ADD3: variants seen among roughly 807,000 people sequenced by gnomAD.
ADD3 encodes gamma-adducin.
In ADD3, 25 loss-of-function variants were observed where a neutral mutation model predicts 80.2. The ratio of observed to expected loss-of-function variants is 0.31; its 90% CI spans 0.23 to 0.44. The LOEUF (loss-of-function observed/expected upper bound fraction) is 0.44. Among genes scored for constraint, ADD3 ranks in the 20% least tolerant of loss-of-function variants. ADD3 has a pLI of 1.00. For synonymous variants in ADD3, 284 were observed against 289.6 expected, an observed-to-expected ratio of 0.98 and a Z score of 0.20; for missense variants, 829 against 847.5, an observed-to-expected ratio of 0.98 and a Z score of 0.27.
chr10:110,081,398 T>C (rs186266401), intron 1 of ADD3, among the ~76,000 whole-genome samples: 1 of 152,262 alleles, frequency 6.6e-6, no homozygotes, highest in Admixed American at 6.5e-5. Context: ...GTTCCTTGCG[T>C]TGTTGGAGCT....
At chr10:110,018,357 A>G (rs1332847581) in intron 1 of ADD3, among the ~76,000 whole-genome samples, 4 of 151,670 alleles carry the variant, frequency 2.6e-5, no homozygotes, top group Non-Finnish European at 5.9e-5. Flanking sequence ...ATGAAACCCC[A>G]TCTCTACTAA....
intron 1 of ADD3, among the ~76,000 whole-genome samples, chr10:110,040,964 GTCTCTCTCTCTCTC>G (rs66979569): frequency 6.7e-6 from 1 of 149,504 alleles, no homozygotes; most frequent in East Asian, 1.9e-4. Flanking sequence ...GTCTCTCTCT[GTCTCTCTCTCTCTC>G]TCTCTCTCCG....
chr10:110,042,636 TAATAA>T (rs758457736), intron 1 of ADD3, among the ~76,000 whole-genome samples: 15 of 151,674 alleles, frequency 9.9e-5, no homozygotes, highest in African/African-American at 3.6e-4. Context: ...ATTAGCACAC[TAATAA>T]AATATTAATA....
intron 1 of ADD3, among the ~76,000 whole-genome samples, chr10:110,040,698 A>T (rs1297490250): frequency 6.6e-6 from 1 of 152,154 alleles, no homozygotes; most frequent in African/African-American, 2.4e-5. Context: ...TTGAGAGTGG[A>T]CTGAGAGAAG....
chr10:110,100,117 G>C (rs1445298977), intron 1 of ADD3, among the ~76,000 whole-genome samples: 2 of 152,150 alleles, frequency 1.3e-5, no homozygotes, highest in Non-Finnish European at 1.5e-5. Flanking sequence ...GGGAGGCCGA[G>C]GTGGGCAGAC....
chr10:110,109,224 AT>A lies in ADD3; in HGVS notation c.196-3542del, dbSNP rs779042066. Among the ~76,000 whole-genome samples, 541 of 147,654 alleles carry A rather than the reference AT, an allele frequency of 3.7e-3. 2 individuals carry two copies. Among genetic ancestry groups the A allele is most frequent in the East Asian group, 6.7e-3 (34 of 5,110 alleles). ...TGTGATTCTCTTGAGTACCTGGTTG[AT>A]TTTTTTTTTTAATCTAAAAACCATT... is the stretch of plus-strand genomic sequence containing the variant. On this transcript the variant is annotated intron_variant, in intron 2 of 14. Coordinates refer to ENST00000356080, the MANE Select transcript of ADD3 (RefSeq NM_016824.5).
intron 1 of ADD3, among the ~76,000 whole-genome samples, chr10:110,015,954 C>T (rs984270759): frequency 1.3e-5 from 2 of 152,106 alleles, no homozygotes; most frequent in Non-Finnish European, 2.9e-5. Context: ...ATAGTAATAA[C>T]CTCTGAGAAG....
chr10:110,032,482 G>A (rs1396065797), intron 1 of ADD3, among the ~76,000 whole-genome samples: 2 of 152,230 alleles, frequency 1.3e-5, no homozygotes, highest in African/African-American at 4.8e-5. Context: ...CCAGACTGGG[G>A]AAGTGGGCAG....
At chr10:110,026,986 C>T (rs1854391741) in intron 1 of ADD3, among the ~76,000 whole-genome samples, 1 of 152,056 alleles carries the variant, frequency 6.6e-6, no homozygotes, top group Non-Finnish European at 1.5e-5. Flanking sequence ...GCTAACTATA[C>T]CTTTTCTAGT....
intron 1 of ADD3, among the ~76,000 whole-genome samples, chr10:110,066,601 TTAAC>T (rs1843990146): frequency 6.6e-6 from 1 of 152,174 alleles, no homozygotes; most frequent in African/African-American, 2.4e-5. Flanking sequence ...GGTCAATCTT[TTAAC>T]TAAGAATGAA....
chr10:110,124,253 C>T lies in ADD3; in HGVS notation c.1380C>T (p.Thr460=). ...CTGAGGAGTCTCGGAACGGAGAAAC[C>T]AGTCCCCGAACCAAAATCACGGTAT... ...NVPEESRNGE[T]SPRTKITWMK... Residue 460 remains threonine, a synonymous_variant, in exon 10 of 15, where the codon ACC becomes ACT. Transcript: ENST00000356080. 6.2e-7 allele frequency: 1 copy of T among 1,614,090 alleles called. No individual in the cohort carries two copies. The highest frequency in any genetic ancestry group is 1.3e-5 in the African/African-American group (1 of 75,046).
chr10:110,063,378 T>G (rs1242647739), intron 1 of ADD3, among the ~76,000 whole-genome samples: 1 of 152,190 alleles, frequency 6.6e-6, no homozygotes, highest in Non-Finnish European at 1.5e-5. Flanking sequence ...CTTGAATTTC[T>G]TTATTTATTA....
At chr10:110,015,255 T>C (rs1293276840) in intron 1 of ADD3, among the ~76,000 whole-genome samples, 1 of 151,810 alleles carries the variant, frequency 6.6e-6, no homozygotes, top group African/African-American at 2.4e-5. Context: ...ACTCAACATT[T>C]AATAATTGGG....
intron 1 of ADD3, among the ~76,000 whole-genome samples, chr10:110,022,088 A>G (rs1213930877): frequency 6.6e-6 from 1 of 152,206 alleles, no homozygotes; most frequent in African/African-American, 2.4e-5. Flanking sequence ...TTGTCCAGGT[A>G]GAAATCAGGA....
intron 1 of ADD3, among the ~76,000 whole-genome samples, chr10:110,092,713 A>T (rs1847687991): frequency 6.6e-6 from 1 of 152,156 alleles, no homozygotes; most frequent in Non-Finnish European, 1.5e-5. Flanking sequence ...GTACCCCCTG[A>T]ACCTAACATA....
intron 1 of ADD3, among the ~76,000 whole-genome samples, chr10:110,067,829 C>T (rs934438672): frequency 6.6e-6 from 1 of 152,140 alleles, no homozygotes; most frequent in Non-Finnish European, 1.5e-5. Context: ...AGGTATACAT[C>T]GCTTTTCTAA....
At chr10:110,030,230 G>A (rs1854837415) in intron 1 of ADD3, among the ~76,000 whole-genome samples, 1 of 150,890 alleles carries the variant, frequency 6.6e-6, no homozygotes, top group Non-Finnish European at 1.5e-5. Flanking sequence ...GGCTGAGGCA[G>A]GAGAATCACT....
At chr10:110,007,903 G>A (rs1851800324), upstream of ADD3, 1 of 150,192 alleles carries the variant, frequency 6.7e-6, no homozygotes, top group African/African-American at 2.5e-5. Flanking sequence ...GCGTGACCGG[G>A]GGGGGCGCTT....
intron 1 of ADD3, among the ~76,000 whole-genome samples, chr10:110,016,152 A>G (rs1390501486): frequency 6.6e-6 from 1 of 152,186 alleles, no homozygotes; most frequent in Admixed American, 6.5e-5. Flanking sequence ...GTAACAGGAC[A>G]TACTTCTTGG....
Sources: gnomAD v4.1 joint callset for allele counts (sites outside exome capture counted in the v4.1 genomes callset) on GRCh38, gnomAD v4.1.1 for gene constraint, MANE v1.5 for transcripts, NCBI Gene and HGNC (gene_info 2026-07-23, HGNC 2026-07-21) for gene names.